The following ALX4 variants were observed in gnomAD, a reference collection of about 807,000 sequenced individuals.
The protein encoded by ALX4 is homeobox protein aristaless-like 4.
Under a neutral mutation model 40.6 loss-of-function variants are expected in ALX4, and 22 were observed. That is an observed-to-expected ratio of 0.54 (90% CI 0.39 to 0.77). ALX4 has a LOEUF of 0.77. Among genes scored for constraint, ALX4 ranks in the 30% least tolerant of loss-of-function variants. The pLI, the probability that ALX4 is intolerant of heterozygous loss-of-function variation, is 0.00. For missense variants in ALX4, 556 were observed against 564.8 expected (o/e 0.98, Z 0.16); for synonymous variants, 266 against 240.5 (o/e 1.11, Z -0.98).
In ALX4 at chr11:44,310,127, T is replaced by A; in HGVS notation, c.-65A>T. The A allele has an allele frequency of 6.6e-7, 1 of 1,511,856 alleles. No homozygotes were observed. Among genetic ancestry groups the A allele is most frequent in the Middle Eastern group, 2.0e-4 (1 of 5,024 alleles). 93.7% of individuals were successfully genotyped at this position (1,511,856 alleles called of 1,614,324 possible). On this transcript the variant is annotated 5_prime_UTR_variant, in exon 1 of 4. Coordinates refer to ENST00000652299, the MANE Select transcript of ALX4 (RefSeq NM_021926.4). The stretch of plus-strand genomic sequence containing the variant: ...GGCGCGAGGACGCCACCGCGCGCCT[T>A]GGCTGGGAGTTTGGGGAGGCGAGGA...
Position 44,310,104 on chromosome 11 carries a change from C to T in ALX4, c.-42G>A, listed in dbSNP as rs1442633199. 1 of 1,537,682 alleles carries T rather than the reference C, an allele frequency of 6.5e-7. No individual in the cohort carries two copies. Among genetic ancestry groups the T allele is most frequent in the East Asian group, 2.4e-5 (1 of 41,776 alleles). On this transcript the variant is annotated 5_prime_UTR_variant, in exon 1 of 4. Coordinates refer to ENST00000652299, the MANE Select transcript of ALX4 (RefSeq NM_021926.4). ...CGGCGGGCGGGGACGCGAGCGAGGG[C>T]GCGAGGACGCCACCGCGCGCCTTGG...
chr11:44,308,641 G>A (rs939614868), intron 1 of ALX4, among the ~76,000 whole-genome samples: 1 of 152,222 alleles, frequency 6.6e-6, no homozygotes, highest in Non-Finnish European at 1.5e-5. Flanking sequence ...TCTCTCTCCC[G>A]GGCAATGGTG....
chr11:44,275,001 G>A (rs1473158709), intron 2 of ALX4, among the ~76,000 whole-genome samples: 3 of 152,148 alleles, frequency 2.0e-5, no homozygotes, highest in Admixed American at 2.0e-4. Context: ...TCTAGAGCAG[G>A]GACAAGTAAC....
chr11:44,277,607 T>C (rs1231080850), intron 1 of ALX4, among the ~76,000 whole-genome samples: 1 of 152,246 alleles, frequency 6.6e-6, no homozygotes, highest in Non-Finnish European at 1.5e-5. Flanking sequence ...ATGATGCCTC[T>C]AGTCCAGGTC....
At chr11:44,294,437 G>A (rs1357190453) in intron 1 of ALX4, among the ~76,000 whole-genome samples, 1 of 152,222 alleles carries the variant, frequency 6.6e-6, no homozygotes. Flanking sequence ...AATAAACACA[G>A]AAAACACATT....
chr11:44,309,222 G>A (rs1357131755), intron 1 of ALX4, among the ~76,000 whole-genome samples: 1 of 146,230 alleles, frequency 6.8e-6, no homozygotes, highest in Non-Finnish European at 1.5e-5. Flanking sequence ...CCGCAGCCCC[G>A]CAGCCCAGCG....
intron 1 of ALX4, among the ~76,000 whole-genome samples, chr11:44,303,954 C>T (rs1294001153): frequency 2.0e-5 from 3 of 152,168 alleles, no homozygotes; most frequent in Non-Finnish European, 4.4e-5. Flanking sequence ...AGAGGTGTGC[C>T]GGGCTGCACC....
intron 1 of ALX4, among the ~76,000 whole-genome samples, chr11:44,306,040 A>T (rs929489851): frequency 6.6e-6 from 1 of 152,198 alleles, no homozygotes; most frequent in Non-Finnish European, 1.5e-5. Flanking sequence ...CTCCAACCCG[A>T]CATGTCTCCT....
chr11:44,272,001 C>T (rs558675786), intron 2 of ALX4, among the ~76,000 whole-genome samples: 1 of 152,322 alleles, frequency 6.6e-6, no homozygotes, highest in African/African-American at 2.4e-5. Context: ...CCTTTCTCTA[C>T]CTACACCTGT....
intron 1 of ALX4, among the ~76,000 whole-genome samples, chr11:44,303,593 C>T (rs943302485): frequency 6.6e-6 from 1 of 152,214 alleles, no homozygotes; most frequent in Non-Finnish European, 1.5e-5. Context: ...CTTGCCTCTG[C>T]GTGGCTCTTC....
chr11:44,291,688 G>C (rs537190836), intron 1 of ALX4, among the ~76,000 whole-genome samples: 1 of 152,152 alleles, frequency 6.6e-6, no homozygotes, highest in Non-Finnish European at 1.5e-5. Context: ...TTACAGGCAT[G>C]AGCCATTGCG....
At chr11:44,294,699 A>G (rs1223284050) in intron 1 of ALX4, among the ~76,000 whole-genome samples, 2 of 152,344 alleles carry the variant, frequency 1.3e-5, no homozygotes, top group Non-Finnish European at 2.9e-5. Context: ...ATCCCAGTCA[A>G]CTTTAACTGC....
intron 2 of ALX4, among the ~76,000 whole-genome samples, chr11:44,271,850 G>A (rs2135310863): frequency 6.6e-6 from 1 of 152,170 alleles, no homozygotes. Flanking sequence ...CTACTCCCGG[G>A]CACTCCCATA....
intron 1 of ALX4, among the ~76,000 whole-genome samples, chr11:44,277,122 G>T (rs938479228): frequency 6.6e-6 from 1 of 152,306 alleles, no homozygotes; most frequent in South Asian, 2.1e-4. Context: ...GATACTTCTA[G>T]GATCTTCCTC....
chr11:44,296,364 T>C (rs1030106725), intron 1 of ALX4, among the ~76,000 whole-genome samples: 6 of 152,090 alleles, frequency 3.9e-5, no homozygotes, highest in Non-Finnish European at 8.8e-5. Flanking sequence ...AAAGAAGACA[T>C]AGGCGAAAAT....
intron 1 of ALX4, among the ~76,000 whole-genome samples, chr11:44,292,068 C>T (rs973354895): frequency 5.3e-5 from 8 of 152,164 alleles, no homozygotes; most frequent in Non-Finnish European, 8.8e-5. Flanking sequence ...CCACCCTCCT[C>T]GGCCTCCCAA....
chr11:44,300,864 C>T (rs767976153), intron 1 of ALX4, among the ~76,000 whole-genome samples: 18 of 152,388 alleles, frequency 1.2e-4, no homozygotes, highest in Admixed American at 5.9e-4. Flanking sequence ...CTGGACAAAT[C>T]CCAACTTCCC....
intron 1 of ALX4, among the ~76,000 whole-genome samples, chr11:44,289,959 G>C (rs1247286417): frequency 6.6e-6 from 1 of 152,178 alleles, no homozygotes; most frequent in Non-Finnish European, 1.5e-5. Flanking sequence ...TACGTCCGCA[G>C]GGTTCAGAGA....
chr11:44,289,500 T>G (rs538178506), intron 1 of ALX4, among the ~76,000 whole-genome samples: 1 of 152,346 alleles, frequency 6.6e-6, no homozygotes, highest in East Asian at 1.9e-4. Flanking sequence ...AATAACTTGC[T>G]CAAGATCACA....
Sources: allele counts gnomAD v4.1 joint callset (sites outside exome capture counted in the v4.1 genomes callset), GRCh38; gene constraint gnomAD v4.1.1; transcripts MANE v1.5; gene names NCBI Gene and HGNC (gene_info 2026-07-23, HGNC 2026-07-21).